The following PTPN14 variants were observed in gnomAD, a reference collection of about 807,000 sequenced individuals.
The protein encoded by PTPN14 is tyrosine-protein phosphatase non-receptor type 14.
Under a neutral mutation model 126.8 loss-of-function variants are expected in PTPN14, and 53 were observed. The ratio of observed to expected loss-of-function variants is 0.42; its 90% CI spans 0.34 to 0.53. The LOEUF (loss-of-function observed/expected upper bound fraction) is 0.53, where lower values mean the gene tolerates loss of function less well. Ranked by LOEUF, PTPN14 falls within the 20% of genes least tolerant of loss-of-function variation. The pLI, the probability that PTPN14 is intolerant of heterozygous loss-of-function variation, is 0.08. For missense variants in PTPN14, 1,257 were observed against 1,552.9 expected (o/e 0.81, Z 3.20); for synonymous variants, 630 against 599.3 (o/e 1.05, Z -0.75).
At chr1:214,457,334 A>G (rs1266322689) in intron 2 of PTPN14, among the ~76,000 whole-genome samples, 1 of 152,200 alleles carries the variant, frequency 6.6e-6, no homozygotes, top group Non-Finnish European at 1.5e-5. Flanking sequence ...AAGCTTTTTT[A>G]CACTCTTTTA....
rs1447470015 is a variant in PTPN14, at chr1:214,393,700, G to A, written c.924C>T (p.Cys308=). Residue 308 remains cysteine (C), a synonymous_variant, in exon 10 of 19, where the codon TGC becomes TGT. Coordinates refer to ENST00000366956, the MANE Select transcript of PTPN14 (RefSeq NM_005401.5). ...RHKFYKQNKI[C]TEQSNSPPPI... ...GGGATTAAATGTTTACTTACTCAGT[G>A]CAGATTTTGTTTTGTTTGTAAAACT... The A allele has an allele frequency of 1.8e-5, 29 of 1,576,848 alleles. No individual in the cohort carries two copies. The highest frequency in any genetic ancestry group is 2.5e-5 in the Non-Finnish European group (29 of 1,146,204).
At position 214,384,752 on chromosome 1, in the gene PTPN14, C is replaced by T. The variant is rs1350831197; in HGVS notation, c.1103G>A (p.Cys368Tyr). 1.1e-5 allele frequency: 18 copies of T among 1,613,610 alleles called. No individual in the cohort carries two copies. The highest frequency in any genetic ancestry group is 1.5e-5 in the Non-Finnish European group (18 of 1,179,898). ...IFHGNEEALY[C>Y]NSHNSLDLNY... ...TAAGTCCAGGCTGTTGTGAGAGTTG[C>T]AATACAAGGCTTCTTCATTCCCATG... The change falls in exon 13 of 19, where the codon TGC (cysteine) becomes TAC (tyrosine). Residue 368 changes from cysteine to tyrosine, a missense_variant. This residue lies in a region of PTPN14 where 1,021 missense variants were observed against 1,183.3 expected (regional missense o/e 0.86). Transcript: ENST00000366956. This position sits in a 1 kb window ranked among gnomAD's most constrained non-coding sequence, Gnocchi z 5.3.
intron 1 of PTPN14, among the ~76,000 whole-genome samples, chr1:214,473,227 G>T (rs1660799505): frequency 6.6e-6 from 1 of 152,210 alleles, no homozygotes; most frequent in Non-Finnish European, 1.5e-5. Flanking sequence ...GGCAGAGCAA[G>T]TAAATCTTTA....
At chr1:214,418,748 G>A (rs1659478991) in intron 3 of PTPN14, among the ~76,000 whole-genome samples, 1 of 152,186 alleles carries the variant, frequency 6.6e-6, no homozygotes, top group Middle Eastern at 3.2e-3. Flanking sequence ...TACAGGACAT[G>A]TTTCATATTG....
At chr1:214,376,083 G>T in intron 15 of PTPN14, 136 bp downstream of exon 15, 1 of 746,260 alleles carries the variant, frequency 1.3e-6, no homozygotes, top group Non-Finnish European at 2.1e-6. Context: ...AAAAGCACAG[G>T]AGTTCAAAAA....
Position 214,383,609 on chromosome 1 carries a change from G to C in PTPN14, c.2246C>G (p.Pro749Arg), listed in dbSNP as rs370626715. Reference protein sequence around the residue: ...AALARIPNKPPPEYPGPRKSV... With the variant: ...AALARIPNKPRPEYPGPRKSV... ...CTTCCTTGGACCGGGGTACTCAGGC[G>C]GGGGCTTGTTGGGGATGCGGGCCAG... Residue 749 changes from proline to arginine, a missense_variant, in exon 13 of 19, where the codon CCG (proline) becomes CGG (arginine). Pro to Arg is a moderately radical substitution (Grantham distance 103). Coordinates refer to ENST00000366956, the MANE Select transcript of PTPN14 (RefSeq NM_005401.5). The surrounding 1 kb of genome is among the most constrained non-coding windows in gnomAD (Gnocchi z 4.4). The C allele has an allele frequency of 1.2e-6, 2 of 1,613,376 alleles. No homozygotes were observed. Among genetic ancestry groups the C allele is most frequent in the East Asian group, 4.5e-5 (2 of 44,876 alleles).
chr1:214,500,339 T>G lies in PTPN14; in HGVS notation c.-154-35382A>C, dbSNP rs1160849350. Among the ~76,000 whole-genome samples the G allele has an allele frequency of 2.0e-5, 3 of 152,268 alleles. No individual in the cohort carries two copies. The East Asian group carries it at 5.8e-4, about 30-fold the overall frequency. Reference sequence around the variant, plus strand: ...CCAGAGATCTACCCCCTTCCCTTCCTAAATAAGCTGCAATCTCAACAACAT... The same window carrying G: ...CCAGAGATCTACCCCCTTCCCTTCCGAAATAAGCTGCAATCTCAACAACAT... On this transcript the variant is annotated intron_variant, in intron 1 of 18. Coordinates refer to ENST00000366956, the MANE Select transcript of PTPN14 (RefSeq NM_005401.5).
At chr1:214,440,510 C>G (rs1660016113) in intron 3 of PTPN14, among the ~76,000 whole-genome samples, 1 of 152,176 alleles carries the variant, frequency 6.6e-6, no homozygotes, top group Non-Finnish European at 1.5e-5. Context: ...AGAAAGTTGA[C>G]AGGGACATAT....
intron 10 of PTPN14, among the ~76,000 whole-genome samples, chr1:214,393,257 G>A: frequency 6.6e-6 from 1 of 152,180 alleles, no homozygotes; most frequent in Non-Finnish European, 1.5e-5. Context: ...CACACGCAGG[G>A]TTAGCCAACT....
intron 1 of PTPN14, among the ~76,000 whole-genome samples, chr1:214,541,171 C>T (rs1296748537): frequency 6.6e-6 from 1 of 151,962 alleles, no homozygotes; most frequent in African/African-American, 2.4e-5. Flanking sequence ...AAGGGAACAT[C>T]AGATAAAACC....
chr1:214,521,584 G>A lies in PTPN14; in HGVS notation c.-155+29599C>T, dbSNP rs147425094. Among the ~76,000 whole-genome samples the A allele has an allele frequency of 5.5e-4, 84 of 152,190 alleles. No individual in the cohort carries two copies. The East Asian group carries it at 0.016, about 28-fold the overall frequency. The stretch of plus-strand genomic sequence containing the variant: ...CAAAAAATTAGGTGGGCGTGGTGGC[G>A]TGTGCCTGTAATCCCAGCTACTCAG... On this transcript the variant is annotated intron_variant, in intron 1 of 18. Coordinates refer to ENST00000366956, the MANE Select transcript of PTPN14 (RefSeq NM_005401.5).
chr1:214,451,025 T>C (rs991004528), intron 3 of PTPN14, among the ~76,000 whole-genome samples: 3 of 152,232 alleles, frequency 2.0e-5, no homozygotes, highest in African/African-American at 7.2e-5. Context: ...CGCAACATTT[T>C]CCTCCTTAAC....
intron 13 of PTPN14, among the ~76,000 whole-genome samples, chr1:214,380,186 T>A (rs1658441014): frequency 6.6e-6 from 1 of 152,178 alleles, no homozygotes; most frequent in South Asian, 2.1e-4. Context: ...GAATCTATTT[T>A]CACTGCTCTC....
At chr1:214,472,845 T>C (rs1422207988) in intron 1 of PTPN14, among the ~76,000 whole-genome samples, 1 of 152,226 alleles carries the variant, frequency 6.6e-6, no homozygotes, top group Admixed American at 6.5e-5. Context: ...CAGACAGAGA[T>C]TGCAGATCCA....
At chr1:214,453,610 G>C (rs887501810) in intron 2 of PTPN14, among the ~76,000 whole-genome samples, 1 of 151,982 alleles carries the variant, frequency 6.6e-6, no homozygotes, top group African/African-American at 2.4e-5. Flanking sequence ...GCGGCTGCAC[G>C]ACTACTACTC....
rs560232696 is a variant in PTPN14, at chr1:214,356,089, G to C, written c.*1833C>G. 3 of 151,678 alleles carry C rather than the reference G, an allele frequency of 2.0e-5. No homozygotes were observed. Among genetic ancestry groups the C allele is most frequent in the African/African-American group, 7.3e-5 (3 of 41,274 alleles). 9.4% of individuals were successfully genotyped at this position (151,678 alleles called of 1,614,324 possible). On this transcript the variant is annotated 3_prime_UTR_variant, in exon 19 of 19. Transcript: ENST00000366956. ...TCCTCCTGCCTCAGCCTCCCGAGCA[G>C]CTGGGACTACCAGGGCATACCACCA...
chr1:214,395,050 G>A, intron 8 of PTPN14, 64 bp from the exon 9 acceptor site: 1 of 1,349,326 alleles, frequency 7.4e-7, no homozygotes, highest in South Asian at 1.2e-5. Flanking sequence ...ATACAGCAGA[G>A]GAGGGCTGTT....
At chr1:214,401,007 G>A (rs1226992636) in intron 7 of PTPN14, among the ~76,000 whole-genome samples, 2 of 152,144 alleles carry the variant, frequency 1.3e-5, no homozygotes, top group Non-Finnish European at 2.9e-5. Context: ...GTTGCTTTAG[G>A]TTTCTGATAA....
intron 15 of PTPN14, among the ~76,000 whole-genome samples, chr1:214,373,748 C>G (rs943567319): frequency 6.6e-6 from 1 of 151,762 alleles, no homozygotes; most frequent in Non-Finnish European, 1.5e-5. Flanking sequence ...GGAGCACTAT[C>G]TTTCTCCTGT....
Sources: gnomAD v4.1 joint callset for allele counts (sites outside exome capture counted in the v4.1 genomes callset) on GRCh38, gnomAD v4.1.1 for gene constraint, gnomAD v4.1.1 regional missense constraint, Gnocchi (gnomAD v3.1) non-coding constraint, MANE v1.5 for transcripts, NCBI Gene and HGNC (gene_info 2026-07-23, HGNC 2026-07-21) for gene names.